Variants in CDKAL1 observed in about 807,000 individuals in gnomAD.
The protein encoded by CDKAL1 is CDKAL1 threonylcarbamoyladenosine tRNA methylthiotransferase.
In CDKAL1, 32 loss-of-function variants were observed where a neutral mutation model predicts 68.2. The ratio of observed to expected loss-of-function variants is 0.47; its 90% CI spans 0.35 to 0.63. CDKAL1 has a LOEUF of 0.63. Ranked by LOEUF, CDKAL1 falls within the 30% of genes least tolerant of loss-of-function variation. CDKAL1 has a pLI of 0.00. For missense variants in CDKAL1, 606 were observed against 696.7 expected (o/e 0.87, Z 1.47); for synonymous variants, 234 against 244.3 (o/e 0.96, Z 0.39).
chr6:21,017,283 T>A (rs1582036426), intron 11 of CDKAL1, among the ~76,000 whole-genome samples: 1 of 152,340 alleles, frequency 6.6e-6, no homozygotes, highest in East Asian at 1.9e-4. Context: ...TTTCTTTTGT[T>A]GGTGTTATAA....
intron 13 of CDKAL1, among the ~76,000 whole-genome samples, chr6:21,129,655 A>T (rs1001726463): frequency 7.1e-6 from 1 of 141,578 alleles, no homozygotes; most frequent in African/African-American, 2.6e-5. Flanking sequence ...GTCTTATAGG[A>T]GACTATACAT....
rs1326817621 is a variant in CDKAL1 at position 20,798,930 on chromosome 6, A to AG, written c.638+17665_638+17666insG. Among the ~76,000 whole-genome samples the AG allele has an allele frequency of 3.9e-4, 57 of 144,826 alleles. 1 individual carries two copies. The highest frequency in any genetic ancestry group is 1.4e-3 in the African/African-American group (53 of 39,236). On this transcript the variant is annotated intron_variant, in intron 8 of 15. Transcript: ENST00000274695. ...AGTATAATAATACAAAAAAAAAAAA[A>AG]AAAAGAAAAGAAAATTGTGTTAAAA...
intron 8 of CDKAL1, among the ~76,000 whole-genome samples, chr6:20,801,466 TCATC>T (rs1441116990): frequency 6.6e-6 from 1 of 151,886 alleles, no homozygotes; most frequent in East Asian, 1.9e-4. Flanking sequence ...ATATCTTTCT[TCATC>T]CATTTCTATT....
intron 5 of CDKAL1, among the ~76,000 whole-genome samples, chr6:20,710,648 T>C (rs1192681477): frequency 1.3e-5 from 2 of 152,164 alleles, no homozygotes; most frequent in Non-Finnish European, 1.5e-5. Context: ...TAAAATGAAA[T>C]CTGTGGACTA....
At chr6:20,868,121 TGAG>T (rs1760005749) in intron 9 of CDKAL1, among the ~76,000 whole-genome samples, 1 of 152,164 alleles carries the variant, frequency 6.6e-6, no homozygotes, top group Non-Finnish European at 1.5e-5. Context: ...CACTCATGCA[TGAG>T]GAGAATTATA....
At chr6:20,830,534 A>T (rs1176015493) in intron 8 of CDKAL1, among the ~76,000 whole-genome samples, 3 of 152,204 alleles carry the variant, frequency 2.0e-5, no homozygotes, top group African/African-American at 7.2e-5. Flanking sequence ...ATATAATACA[A>T]ACTAGTGGTA....
intron 6 of CDKAL1, chr6:20,756,917 T>TTCCTTCCC (rs1375541400): frequency 2.4e-5 from 2 of 81,772 alleles, no homozygotes; most frequent in Non-Finnish European, 5.1e-5. Flanking sequence ...CCTTCCTTCC[T>TTCCTTCCC]TCCTTCCCTC....
At position 20,536,638 on chromosome 6, in the gene CDKAL1, A is replaced by G. The variant is rs7747962; in HGVS notation, c.-6+1244A>G. 3.4e-3 allele frequency among the ~76,000 whole-genome samples: 518 copies of G among 152,266 alleles called. 3 individuals are homozygous for G. Among genetic ancestry groups the G allele is most frequent in the African/African-American group, 0.012 (493 of 41,556 alleles). ...TCAAAATCACCTAGAGGGCCTGTTA[A>G]ATATTGCTAGGTTTTACTCAAAATA... On this transcript the variant is annotated intron_variant, in intron 2 of 15. Coordinates refer to ENST00000274695, the MANE Select transcript of CDKAL1 (RefSeq NM_017774.3).
At chr6:20,594,625 CTT>C (rs1416108039) in intron 4 of CDKAL1, among the ~76,000 whole-genome samples, 2 of 152,090 alleles carry the variant, frequency 1.3e-5, no homozygotes, top group East Asian at 1.9e-4. Context: ...GGTCTTGACT[CTT>C]TATCCAATTT....
intron 10 of CDKAL1, among the ~76,000 whole-genome samples, chr6:20,997,459 C>T (rs146709408): frequency 1.5e-5 from 2 of 135,018 alleles, no homozygotes; most frequent in African/African-American, 5.7e-5. Flanking sequence ...TGTGTTCTAG[C>T]AGTATAAAGT....
At position 20,572,820 on chromosome 6, in the gene CDKAL1, A is replaced by G. The variant is rs144194812; in HGVS notation, c.286+24115A>G. On this transcript the variant is annotated intron_variant, in intron 4 of 15. Coordinates refer to ENST00000274695, the MANE Select transcript of CDKAL1 (RefSeq NM_017774.3). ...GGAAAAAAAAAATCAAGCTAATTGCATACTTTATTTCTGCTCAAATGATCA... is the reference window on the plus strand; with the variant it reads ...GGAAAAAAAAAATCAAGCTAATTGCGTACTTTATTTCTGCTCAAATGATCA... Among the ~76,000 whole-genome samples, 147 of 152,260 alleles carry G rather than the reference A, an allele frequency of 9.7e-4. 2 individuals are homozygous for G. In the East Asian group the frequency reaches 0.016, roughly 16 times the overall value.
intron 8 of CDKAL1, among the ~76,000 whole-genome samples, chr6:20,787,971 T>G (rs530916271): frequency 1.3e-5 from 2 of 152,372 alleles, no homozygotes; most frequent in East Asian, 3.9e-4. Context: ...GATTCTTTAT[T>G]CTGTTTTGGA....
chr6:20,888,841 G>A (rs1235689458), intron 9 of CDKAL1, among the ~76,000 whole-genome samples: 2 of 152,150 alleles, frequency 1.3e-5, no homozygotes, highest in African/African-American at 4.8e-5. Context: ...ACGTGTGCAT[G>A]AGTCTTTATA....
intron 8 of CDKAL1, among the ~76,000 whole-genome samples, chr6:20,791,409 C>G (rs565846641): frequency 6.6e-6 from 1 of 152,232 alleles, no homozygotes; most frequent in South Asian, 2.1e-4. Context: ...AATTGTGACT[C>G]GAACCACATC....
intron 8 of CDKAL1, among the ~76,000 whole-genome samples, chr6:20,843,460 T>C (rs1778254901): frequency 6.6e-6 from 1 of 152,068 alleles, no homozygotes; most frequent in Non-Finnish European, 1.5e-5. Flanking sequence ...TTTTGAATTT[T>C]TTTTTTCTTC....
chr6:20,677,945 T>G (rs2127788031), intron 5 of CDKAL1, among the ~76,000 whole-genome samples: 1 of 152,308 alleles, frequency 6.6e-6, no homozygotes, highest in East Asian at 1.9e-4. Context: ...CAGAGTTATT[T>G]TTAATTTTTC....
At chr6:21,198,500 A>G (rs1778559355) in intron 14 of CDKAL1, among the ~76,000 whole-genome samples, 1 of 152,198 alleles carries the variant, frequency 6.6e-6, no homozygotes, top group Non-Finnish European at 1.5e-5. Flanking sequence ...TCGCTGGTAC[A>G]TCACCCGGAC....
intron 6 of CDKAL1, among the ~76,000 whole-genome samples, 159 bp downstream of exon 6, chr6:20,739,774 G>T (rs1773364740): frequency 6.6e-6 from 1 of 152,142 alleles, no homozygotes; most frequent in African/African-American, 2.4e-5. Context: ...TGTCATTTCT[G>T]TGTAACTTTT....
At chr6:20,666,766 C>A (rs1334260843) in intron 5 of CDKAL1, among the ~76,000 whole-genome samples, 1 of 150,714 alleles carries the variant, frequency 6.6e-6, no homozygotes, top group Non-Finnish European at 1.5e-5. Context: ...TACATGAAAC[C>A]ATGCTCTGAT....
Sources: allele counts gnomAD v4.1 joint callset (sites outside exome capture counted in the v4.1 genomes callset), GRCh38; gene constraint gnomAD v4.1.1; transcripts MANE v1.5; gene names NCBI Gene and HGNC (gene_info 2026-07-23, HGNC 2026-07-21).